MAGEA4: variants seen among roughly 807,000 people sequenced by gnomAD.
MAGEA4 encodes the protein melanoma-associated antigen 4.
Under a neutral mutation model 13.7 loss-of-function variants are expected in MAGEA4, and 1 was observed. The observed-to-expected ratio is 0.07, with a 90% confidence interval of 0.03 to 0.35. The LOEUF is 0.35. MAGEA4 is among the 10% of genes least tolerant of loss of function. MAGEA4 has a pLI of 0.99. For synonymous variants in MAGEA4, 132 were observed against 101.1 expected (o/e 1.31, Z -1.83); for missense variants, 312 against 245.1 (o/e 1.27, Z -1.82).
In MAGEA4 at chrX:151,919,032, G is replaced by A. The variant is rs1235132813; in HGVS notation, c.-137-4421G>A. On this transcript the variant is annotated intron_variant, in intron 1 of 2. Transcript: ENST00000276344. ...GGAAGCGGGCCAGGCCCTGTGAGGA[G>A]TCAAGGTGAGACGCTGAGGGAGGAC... The A allele has an allele frequency of 1.2e-5, 9 of 748,549 alleles. No homozygotes were observed. The South Asian group carries it at 5.5e-4, about 46-fold the overall frequency. 61.7% of individuals were successfully genotyped at this position (748,549 alleles called of 1,213,427 possible). A position where few individuals can be genotyped will look rare whatever the true frequency, so the allele number is the denominator to read the frequency against.
intron 1 of MAGEA4, among the ~76,000 whole-genome samples, chrX:151,920,491 G>C (rs1424044746): frequency 9.1e-6 from 1 of 110,009 alleles, no homozygotes; most frequent in African/African-American, 3.3e-5. Context: ...GGTGGGGGTA[G>C]GCTCTGCCAG....
chrX:151,924,592 T>G lies in MAGEA4; in HGVS notation c.928T>G (p.Leu310Val). The change falls in exon 3 of 3, where the codon TTG becomes GTG. Residue 310 changes from leucine to valine, a missense_variant. Physicochemically the swap from Leu to Val is conservative, Grantham distance 32 (BLOSUM62 1). Transcript: ENST00000276344. ...IAYPSLREAA[L>V]LEEEEGV ...CTACCCATCCCTGCGTGAAGCAGCTTTGTTAGAGGAGGAAGAGGGAGTCTG... is the reference window on the plus strand; with the variant it reads ...CTACCCATCCCTGCGTGAAGCAGCTGTGTTAGAGGAGGAAGAGGGAGTCTG... 8.4e-7 allele frequency: 1 copy of G among 1,193,404 alleles called. No homozygotes were observed. The highest frequency in any genetic ancestry group is 1.9e-5 in the South Asian group (1 of 53,259).
chrX:151,923,998 A>G lies in MAGEA4; in HGVS notation c.334A>G (p.Asn112Asp), dbSNP rs1933580566. ...GTCCTTGTTCCGAGAAGCACTCAGTAACAAGGTGGATGAGTTGGCTCATTT... is the reference window on the plus strand; with the variant it reads ...GTCCTTGTTCCGAGAAGCACTCAGTGACAAGGTGGATGAGTTGGCTCATTT... ...AESLFREALS[N>D]KVDELAHFLL... The change falls in exon 3 of 3, where the codon AAC becomes GAC. Residue 112 changes from asparagine to aspartate, a missense_variant. Transcript: ENST00000276344. The G allele has an allele frequency of 8.3e-7, 1 of 1,210,855 alleles. No individual in the cohort carries two copies. The highest frequency in any genetic ancestry group is 1.1e-6 in the Non-Finnish European group (1 of 895,405).
rs778294490 is a variant in MAGEA4, at chrX:151,924,481, C to T, written c.817C>T (p.Leu273=). 2 of 1,212,046 alleles carry T rather than the reference C, an allele frequency of 1.7e-6. No individual in the cohort carries two copies. The highest frequency in any genetic ancestry group is 5.9e-5 in the East Asian group (2 of 33,838). Residue 273 remains leucine, a synonymous_variant, in exon 3 of 3, where the codon CTG becomes TTG. Transcript: ENST00000276344. ...CAGTAATCCTGCGCGCTATGAGTTCCTGTGGGGTCCAAGGGCTCTGGCTGA... is the reference window on the plus strand; with the variant it reads ...CAGTAATCCTGCGCGCTATGAGTTCTTGTGGGGTCCAAGGGCTCTGGCTGA... ...PGSNPARYEF[L]WGPRALAETS...
intron 1 of MAGEA4, chrX:151,918,821 AC>A (rs1215253101): frequency 0.06 from 1,286 of 21,480 alleles, 23 homozygotes; most frequent in Non-Finnish European, 0.08. Context: ...CTTTCAACCC[AC>A]CCCCAAAAAC....
In MAGEA4 at chrX:151,919,868, C is replaced by T. The variant is rs1357694707; in HGVS notation, c.-137-3585C>T. On this transcript the variant is annotated intron_variant, in intron 1 of 2. Coordinates refer to ENST00000276344, the MANE Select transcript of MAGEA4 (RefSeq NM_001011548.1). ...CCCACCACCCCACTGCCTCTGAAGTCGCACGGGACTCTGCAGTCAGAGCTT... is the reference window on the plus strand; with the variant it reads ...CCCACCACCCCACTGCCTCTGAAGTTGCACGGGACTCTGCAGTCAGAGCTT... 7.3e-6 allele frequency: 3 copies of T among 413,420 alleles called. No individual in the cohort carries two copies. In the African/African-American group the frequency reaches 8.3e-5, roughly 11 times the overall value. 34.1% of individuals were successfully genotyped at this position (413,420 alleles called of 1,213,427 possible).
Position 151,923,470 on chromosome X carries a change from C to G in MAGEA4, c.-120C>G, listed in dbSNP as rs1933540559. On this transcript the variant is annotated 5_prime_UTR_variant, in exon 2 of 3. Transcript: ENST00000276344. ...TCCTTCAGGTTCTGAGCAGACAGGC[C>G]AACCGGAGGACAGGATTCCCTGGAG... 8.4e-7 allele frequency: 1 copy of G among 1,193,067 alleles called. No individual in the cohort carries two copies. Among genetic ancestry groups the G allele is most frequent in the Non-Finnish European group, 1.1e-6 (1 of 887,683 alleles).
intron 1 of MAGEA4, among the ~76,000 whole-genome samples, chrX:151,922,976 A>C (rs1281386979): frequency 8.9e-6 from 1 of 112,367 alleles, no homozygotes; most frequent in Non-Finnish European, 1.9e-5. Flanking sequence ...GGGGTTTCTT[A>C]GGTCCTGTTC....
intron 1 of MAGEA4, chrX:151,919,085 A>G: frequency 1.3e-6 from 1 of 741,570 alleles, no homozygotes; most frequent in Non-Finnish European, 1.6e-6. Context: ...CAGATAGACG[A>G]CCCCAAATAA....
chrX:151,922,145 G>T (rs1219528487), intron 1 of MAGEA4, among the ~76,000 whole-genome samples: 1 of 111,084 alleles, frequency 9.0e-6, no homozygotes, highest in African/African-American at 3.3e-5. Flanking sequence ...GGAGTCCCAG[G>T]ATCTACAGGA....
rs1194644519 is a variant in MAGEA4 at position 151,924,735 on chromosome X, T to C, written c.*117T>C. On this transcript the variant is annotated 3_prime_UTR_variant, in exon 3 of 3. Coordinates refer to ENST00000276344, the MANE Select transcript of MAGEA4 (RefSeq NM_001011548.1). The stretch of plus-strand genomic sequence containing the variant: ...CATGAGGCCCATTCTTCACTCTGTT[T>C]GAAGAAAATAGTCAGTGTTCTTAGT... The C allele has an allele frequency of 1.3e-6, 1 of 774,215 alleles. No homozygotes were observed. The highest frequency in any genetic ancestry group is 3.4e-5 in the East Asian group (1 of 29,444). The allele number at this position is 774,215 out of a possible 1,213,427, so 63.8% of individuals were successfully genotyped here.
intron 1 of MAGEA4, among the ~76,000 whole-genome samples, chrX:151,922,304 A>C (rs1933484493): frequency 9.0e-6 from 1 of 111,497 alleles, no homozygotes; most frequent in South Asian, 3.8e-4. Flanking sequence ...TTCCACAGGC[A>C]GGAAGTTGGG....
At position 151,912,943 on chromosome X, in the gene MAGEA4, C is replaced by G. The variant is rs993238580; in HGVS notation, c.-164C>G. 1 of 118,691 alleles carries G rather than the reference C, an allele frequency of 8.4e-6. No individual in the cohort carries two copies. The highest frequency in any genetic ancestry group is 3.5e-5 in the African/African-American group (1 of 28,873). The allele number at this position is 118,691 out of a possible 1,213,427, so 9.8% of individuals were successfully genotyped here. Reference sequence around the variant, plus strand: ...GCAGCTTGAGACTGGCGGAGGGAAGCCCGCCCAGGCTCTATAAGGAGACAA... The same window carrying G: ...GCAGCTTGAGACTGGCGGAGGGAAGGCCGCCCAGGCTCTATAAGGAGACAA... On this transcript the variant is annotated 5_prime_UTR_variant, in exon 1 of 3. Transcript: ENST00000276344.
In MAGEA4 at chrX:151,924,235, C is replaced by G. The variant is rs141071979; in HGVS notation, c.571C>G (p.Leu191Val). 1.4e-4 allele frequency: 171 copies of G among 1,208,760 alleles called. No individual in the cohort carries two copies. Among genetic ancestry groups the G allele is most frequent in the South Asian group, 3.0e-4 (17 of 56,434 alleles). Residue 191 changes from leucine to valine, a missense_variant, in exon 3 of 3, where the codon CTG becomes GTG. By Grantham distance (32) the Leu-to-Val change is conservative. Coordinates refer to ENST00000276344, the MANE Select transcript of MAGEA4 (RefSeq NM_001011548.1). ...TCLGLSYDGL[L>V]GNNQIFPKTG... ...CCTGGGCCTTTCCTATGATGGCCTGCTGGGTAATAATCAGATCTTTCCCAA... is the reference window on the plus strand; with the variant it reads ...CCTGGGCCTTTCCTATGATGGCCTGGTGGGTAATAATCAGATCTTTCCCAA...
rs1933589648 is a variant in MAGEA4 at position 151,924,129 on chromosome X, C to G, written c.465C>G (p.Ala155=). The stretch of plus-strand genomic sequence containing the variant: ...GCTTTCCTGTGATCTTCGGCAAAGC[C>G]TCCGAGTCCCTGAAGATGATCTTTG... ...KRCFPVIFGK[A]SESLKMIFGI... The change falls in exon 3 of 3, where the codon GCC becomes GCG. Residue 155 remains alanine (A), a synonymous_variant. Transcript: ENST00000276344. 8.3e-7 allele frequency: 1 copy of G among 1,210,650 alleles called. No individual in the cohort carries two copies. The highest frequency in any genetic ancestry group is 3.0e-5 in the East Asian group (1 of 33,760).
At position 151,913,478 on chromosome X, in the gene MAGEA4, T is replaced by C. The variant is rs771205453; in HGVS notation, c.-138+509T>C. ...CCCAAGAAAGCCCCAGGGGCCCGGA[T>C]GTGATGCCACTGACTTGCGCATTGG... On this transcript the variant is annotated intron_variant, in intron 1 of 2. Coordinates refer to ENST00000276344, the MANE Select transcript of MAGEA4 (RefSeq NM_001011548.1). 1.6e-4 allele frequency: 114 copies of C among 714,302 alleles called. No homozygotes were observed. The South Asian group carries it at 7.7e-3, about 49-fold the overall frequency. 58.9% of individuals were successfully genotyped at this position (714,302 alleles called of 1,213,427 possible). A position where few individuals can be genotyped will look rare whatever the true frequency, so the allele number is the denominator to read the frequency against.
At chrX:151,922,225 C>T (rs1383783020) in intron 1 of MAGEA4, among the ~76,000 whole-genome samples, 1 of 111,586 alleles carries the variant, frequency 9.0e-6, no homozygotes, top group Non-Finnish European at 1.9e-5. Context: ...CCCACAGAGT[C>T]TGGCTGTCCC....
intron 1 of MAGEA4, chrX:151,919,607 C>T (rs1215924780): frequency 3.5e-5 from 26 of 738,388 alleles, no homozygotes; most frequent in African/African-American, 9.7e-5. Context: ...CCGCAGGTGC[C>T]GGAATGTGAT....
chrX:151,919,825 A>G (rs1380549575), intron 1 of MAGEA4: 1 of 685,780 alleles, frequency 1.5e-6, no homozygotes, highest in African/African-American at 2.4e-5. Context: ...TCGTGGGGGG[A>G]CTTCTGAGTC....
Sources: gnomAD v4.1 joint callset for allele counts (sites outside exome capture counted in the v4.1 genomes callset) on GRCh38, gnomAD v4.1.1 for gene constraint, MANE v1.5 for transcripts, NCBI Gene and HGNC (gene_info 2026-07-23, HGNC 2026-07-21) for gene names.